GNB4: variants seen among roughly 807,000 people sequenced by gnomAD.
The protein encoded by GNB4 is guanine nucleotide-binding protein subunit beta-4.
Under a neutral mutation model 45.2 loss-of-function variants are expected in GNB4, and 28 were observed. That is an observed-to-expected ratio of 0.62 (90% confidence interval 0.46 to 0.85). The LOEUF is 0.85. GNB4 is among the 40% of genes least tolerant of loss of function. GNB4 has a pLI of 0.00. For synonymous variants in GNB4, 132 were observed against 143.7 expected (o/e 0.92, Z 0.58); for missense variants, 321 against 425.4 (o/e 0.75, Z 2.16).
At chr3:179,506,927 G>A in the GNB4 span, among the ~76,000 whole-genome samples, 1 of 152,124 alleles carries the variant, frequency 6.6e-6, no homozygotes, top group Non-Finnish European at 1.5e-5. Flanking sequence ...GATATTTGTT[G>A]AATGAATGCT....
chr3:179,411,328 AT>A (rs1714644756), intron 8 of GNB4, among the ~76,000 whole-genome samples: 1 of 152,150 alleles, frequency 6.6e-6, no homozygotes, highest in South Asian at 2.1e-4. Context: ...TATTATAAAA[AT>A]ATAATGAAGT....
chr3:179,477,960 GC>G, the GNB4 span, among the ~76,000 whole-genome samples: 1 of 152,218 alleles, frequency 6.6e-6, no homozygotes, highest in South Asian at 2.1e-4. Context: ...GTTTTGTGTT[GC>G]TGTAACAGAA....
intron 1 of GNB4, among the ~76,000 whole-genome samples, chr3:179,435,996 T>C (rs1715436290): frequency 6.6e-6 from 1 of 152,226 alleles, no homozygotes; most frequent in South Asian, 2.1e-4. Context: ...CACATTTTAA[T>C]CTGTGCAAGA....
rs916499973 is a variant in GNB4, at chr3:179,396,678, A to C, written c.*4535T>G. On this transcript the variant is annotated 3_prime_UTR_variant, in exon 10 of 10. Coordinates refer to ENST00000232564, the MANE Select transcript of GNB4 (RefSeq NM_021629.4). Reference sequence around the variant, plus strand: ...AATCAGCAACTGGATTTAAGAAAGAAGACATAGGAGATTTTATCAACATGC... The same window carrying C: ...AATCAGCAACTGGATTTAAGAAAGACGACATAGGAGATTTTATCAACATGC... The C allele has an allele frequency of 3.3e-5, 5 of 152,338 alleles. No homozygotes were observed. Among genetic ancestry groups the C allele is most frequent in the African/African-American group, 9.6e-5 (4 of 41,578 alleles). 9.4% of individuals were successfully genotyped at this position (152,338 alleles called of 1,614,324 possible). A position where few individuals can be genotyped will look rare whatever the true frequency, so the allele number is the denominator to read the frequency against.
At chr3:179,420,066 T>A (rs769739272) in intron 3 of GNB4, among the ~76,000 whole-genome samples, 2 of 151,498 alleles carry the variant, frequency 1.3e-5, no homozygotes, top group Admixed American at 1.3e-4. Flanking sequence ...AATCAGAAAC[T>A]ATTTAAAAAG....
At chr3:179,419,636 A>G (rs1343367922) in intron 3 of GNB4, 131 bp from the exon 4 acceptor site, 6 of 650,654 alleles carry the variant, frequency 9.2e-6, no homozygotes, top group Non-Finnish European at 5.5e-6. Context: ...AATTTAATGT[A>G]TATAATTCCA....
chr3:179,416,377 A>C (rs1265069097), intron 5 of GNB4, 116 bp downstream of exon 5: 1 of 644,274 alleles, frequency 1.6e-6, no homozygotes, highest in African/African-American at 1.9e-5. Context: ...GATTAAAATA[A>C]ACAATAAATT....
At chr3:179,466,068 T>G in the GNB4 span, among the ~76,000 whole-genome samples, 1 of 137,920 alleles carries the variant, frequency 7.3e-6, no homozygotes, top group African/African-American at 2.6e-5. Context: ...TGGAGTGCAG[T>G]GGCGTGATCT....
In GNB4 at chr3:179,401,177, A is replaced by C; in HGVS notation, c.*36T>G. 1 of 1,418,184 alleles carries C rather than the reference A, an allele frequency of 7.1e-7. No individual in the cohort carries two copies. The highest frequency in any genetic ancestry group is 9.9e-7 in the Non-Finnish European group (1 of 1,009,084). The allele number at this position is 1,418,184 out of a possible 1,614,324, so 87.9% of individuals were successfully genotyped here. The stretch of plus-strand genomic sequence containing the variant: ...TATAGGCTGTAGCATTGATTTCTCC[A>C]GATATATCAATGGAGAACAAATATG... On this transcript the variant is annotated 3_prime_UTR_variant, in exon 10 of 10. Coordinates refer to ENST00000232564, the MANE Select transcript of GNB4 (RefSeq NM_021629.4).
At chr3:179,499,328 T>G in the GNB4 span, among the ~76,000 whole-genome samples, 3 of 152,026 alleles carry the variant, frequency 2.0e-5, no homozygotes, top group Non-Finnish European at 2.9e-5. Flanking sequence ...AGGCTAGTTC[T>G]TTTTGTATTT....
At position 179,439,330 on chromosome 3, in the gene GNB4, C is replaced by A. The variant is rs180935249; in HGVS notation, c.-43+12016G>T. Among the ~76,000 whole-genome samples the A allele has an allele frequency of 2.8e-3, 428 of 152,300 alleles. 2 individuals carry two copies. Among genetic ancestry groups the A allele is most frequent in the African/African-American group, 9.6e-3 (397 of 41,570 alleles). On this transcript the variant is annotated intron_variant, in intron 1 of 9. Coordinates refer to ENST00000232564, the MANE Select transcript of GNB4 (RefSeq NM_021629.4). ...TCCTGATCAGATAAAACATCTAAAT[C>A]CTTACACATAAAGACATCTGTGAAA...
At chr3:179,504,249 C>T in the GNB4 span, among the ~76,000 whole-genome samples, 1 of 152,058 alleles carries the variant, frequency 6.6e-6, no homozygotes, top group African/African-American at 2.4e-5. Flanking sequence ...TATATATCAC[C>T]TTCTCCCATC....
chr3:179,494,603 GAAGGAAGA>G, the GNB4 span, among the ~76,000 whole-genome samples: 1 of 151,846 alleles, frequency 6.6e-6, no homozygotes, highest in Admixed American at 6.6e-5. Flanking sequence ...AGGAAAGAAG[GAAGGAAGA>G]AAAGAAGGAA....
At chr3:179,433,433 A>G (rs921138427) in intron 1 of GNB4, among the ~76,000 whole-genome samples, 1 of 152,118 alleles carries the variant, frequency 6.6e-6, no homozygotes, top group African/African-American at 2.4e-5. Flanking sequence ...ATGAGAAAAG[A>G]TCAACTATAA....
intron 4 of GNB4, among the ~76,000 whole-genome samples, chr3:179,418,268 A>C (rs1244734492): frequency 2.6e-5 from 4 of 151,910 alleles, no homozygotes; most frequent in African/African-American, 9.7e-5. Context: ...TCAGGAGTTC[A>C]AGACCAGGCT....
chr3:179,516,053 C>T, the GNB4 span, among the ~76,000 whole-genome samples: 1 of 152,192 alleles, frequency 6.6e-6, no homozygotes, highest in Non-Finnish European at 1.5e-5. Context: ...CCCAGGACAT[C>T]CAATTAGAGA....
At chr3:179,482,122 T>C in the GNB4 span, among the ~76,000 whole-genome samples, 1 of 152,084 alleles carries the variant, frequency 6.6e-6, no homozygotes, top group African/African-American at 2.4e-5. Flanking sequence ...AGGCTGGTCT[T>C]GAACTCAAGT....
rs1266655637 is a variant in GNB4 at position 179,399,839 on chromosome 3, T to A, written c.*1374A>T. ...CCAAGACTTTACCATCAAGCAAGAC[T>A]AACAATCTTCTATTATCAGTCATTT... On this transcript the variant is annotated 3_prime_UTR_variant, in exon 10 of 10. Coordinates refer to ENST00000232564, the MANE Select transcript of GNB4 (RefSeq NM_021629.4). The A allele has an allele frequency of 6.6e-6, 1 of 152,200 alleles. No individual in the cohort carries two copies. Among genetic ancestry groups the A allele is most frequent in the Non-Finnish European group, 1.5e-5 (1 of 68,024 alleles). The allele number at this position is 152,200 out of a possible 1,614,324, so 9.4% of individuals were successfully genotyped here.
the GNB4 span, among the ~76,000 whole-genome samples, chr3:179,508,583 T>C: frequency 2.0e-5 from 3 of 152,374 alleles, no homozygotes; most frequent in Admixed American, 6.5e-5. Context: ...TAGCATCTTG[T>C]TAATATTTCA....
Sources: allele counts gnomAD v4.1 joint callset (sites outside exome capture counted in the v4.1 genomes callset), GRCh38; gene constraint gnomAD v4.1.1; transcripts MANE v1.5; gene names NCBI Gene and HGNC (gene_info 2026-07-23, HGNC 2026-07-21).